NEK11: variants seen among roughly 807,000 people sequenced by gnomAD.
NEK11 encodes the protein NIMA related kinase 11, also known as serine/threonine-protein kinase Nek11.
Under a neutral mutation model 80.7 loss-of-function variants are expected in NEK11, and 72 were observed. The ratio of observed to expected loss-of-function variants is 0.89; its 90% CI spans 0.74 to 1.08. The LOEUF is 1.08. Among genes scored for constraint, NEK11 ranks in the 50% least tolerant of loss-of-function variants. The pLI is 0.00. For synonymous variants in NEK11, 251 were observed against 260.7 expected, an observed-to-expected ratio of 0.96 and a Z score of 0.36; for missense variants, 764 against 763.6, an observed-to-expected ratio of 1.00 and a Z score of -0.01.
At chr3:131,031,130 A>G (rs1397716882) in intron 3 of NEK11, among the ~76,000 whole-genome samples, 4 of 152,232 alleles carry the variant, frequency 2.6e-5, no homozygotes, top group Admixed American at 2.6e-4. Context: ...TTGTAAAGGT[A>G]AATGTTAGTG....
At chr3:131,037,278 AAC>A (rs1304034900) in intron 3 of NEK11, among the ~76,000 whole-genome samples, 1 of 140,308 alleles carries the variant, frequency 7.1e-6, no homozygotes, top group Non-Finnish European at 1.6e-5. Context: ...AGATAAAAAG[AAC>A]TTCATCCATT....
At chr3:131,289,096 A>G (rs558523108) in intron 17 of NEK11, among the ~76,000 whole-genome samples, 1 of 152,340 alleles carries the variant, frequency 6.6e-6, no homozygotes, top group African/African-American at 2.4e-5. Context: ...GACAGTTTTG[A>G]AGGCTGGAAG....
At chr3:131,032,349 A>G (rs958064194) in intron 3 of NEK11, among the ~76,000 whole-genome samples, 1 of 152,250 alleles carries the variant, frequency 6.6e-6, no homozygotes, top group African/African-American at 2.4e-5. Context: ...GTTTGCTAAC[A>G]TCAGTTCCTG....
rs554268809 is a variant in NEK11 at position 131,204,364 on chromosome 3, C to T, written c.1400-24164C>T. ...AGTCACCCTAGCAAATTAATCAAACCCAAGGAGGGGGCTGTGAGAAGCTGA... is the reference window on the plus strand; with the variant it reads ...AGTCACCCTAGCAAATTAATCAAACTCAAGGAGGGGGCTGTGAGAAGCTGA... On this transcript the variant is annotated intron_variant, in intron 14 of 17. Coordinates refer to ENST00000383366, the MANE Select transcript of NEK11 (RefSeq NM_024800.5). Among the ~76,000 whole-genome samples, 6 of 152,164 alleles carry T rather than the reference C, an allele frequency of 3.9e-5. No homozygotes were observed. In the South Asian group the frequency reaches 1.0e-3, roughly 26 times the overall value.
intron 16 of NEK11, among the ~76,000 whole-genome samples, chr3:131,257,170 A>AT (rs565620963): frequency 0.02 from 2,706 of 134,222 alleles, 39 homozygotes; most frequent in East Asian, 0.092. Context: ...TTTTTTTTGT[A>AT]TTTTTTGTAG....
At chr3:131,044,351 C>G (rs573336745) in intron 3 of NEK11, among the ~76,000 whole-genome samples, 1 of 141,708 alleles carries the variant, frequency 7.1e-6, no homozygotes, top group South Asian at 2.3e-4. Context: ...TCAGGAGACC[C>G]ATCTCACGTG....
At chr3:131,042,186 A>G (rs1035343938) in intron 3 of NEK11, among the ~76,000 whole-genome samples, 1 of 151,048 alleles carries the variant, frequency 6.6e-6, no homozygotes. Flanking sequence ...GCAGACACCC[A>G]GCTAGCTGCA....
chr3:131,223,157 G>A (rs563477627), intron 14 of NEK11, among the ~76,000 whole-genome samples: 2 of 152,326 alleles, frequency 1.3e-5, no homozygotes, highest in African/African-American at 4.8e-5. Flanking sequence ...CAGGAGAAAG[G>A]AATCTTAAGC....
chr3:131,102,910 AGAACTGGTCTTT>A, intron 4 of NEK11, among the ~76,000 whole-genome samples: 1 of 152,326 alleles, frequency 6.6e-6, no homozygotes, highest in East Asian at 1.9e-4. Flanking sequence ...GTTGATTCGA[AGAACTGGTCTTT>A]GAGCTCTGAG....
At chr3:131,163,417 G>T (rs1205156964) in intron 11 of NEK11, among the ~76,000 whole-genome samples, 29 of 152,110 alleles carry the variant, frequency 1.9e-4, no homozygotes, top group Admixed American at 1.8e-3. Flanking sequence ...CCTTAAAAAA[G>T]AAGGGAATCC....
At chr3:131,231,487 A>G (rs758015391) in intron 15 of NEK11, among the ~76,000 whole-genome samples, 16 of 149,356 alleles carry the variant, frequency 1.1e-4, no homozygotes, top group Non-Finnish European at 2.1e-4. Flanking sequence ...TATACATTCT[A>G]TAGTAGCAAA....
intron 5 of NEK11, among the ~76,000 whole-genome samples, chr3:131,123,235 C>T (rs1280847555): frequency 1.3e-5 from 2 of 152,072 alleles, no homozygotes; most frequent in Admixed American, 6.6e-5. Flanking sequence ...GGCATGATCT[C>T]GGCTCACTGT....
chr3:131,038,506 AT>A (rs1196106061), intron 3 of NEK11, among the ~76,000 whole-genome samples: 1 of 152,238 alleles, frequency 6.6e-6, no homozygotes, highest in Non-Finnish European at 1.5e-5. Context: ...CAGATCAGAA[AT>A]GACTAATAAA....
At chr3:131,043,428 G>C (rs891569588) in intron 3 of NEK11, among the ~76,000 whole-genome samples, 1 of 152,212 alleles carries the variant, frequency 6.6e-6, no homozygotes. Flanking sequence ...TGATGTGATG[G>C]AGCTGAAAAA....
At chr3:131,157,690 A>G (rs1257527874) in intron 10 of NEK11, among the ~76,000 whole-genome samples, 2 of 152,146 alleles carry the variant, frequency 1.3e-5, no homozygotes, top group Non-Finnish European at 2.9e-5. Context: ...TGGAGAGAAG[A>G]CACAGAAGCT....
intron 3 of NEK11, among the ~76,000 whole-genome samples, chr3:131,034,047 T>A (rs2065260576): frequency 6.6e-6 from 1 of 152,236 alleles, no homozygotes; most frequent in East Asian, 1.9e-4. Flanking sequence ...TAGTTCTTAT[T>A]CATTTTATTT....
chr3:131,056,881 T>C (rs1298880287), intron 3 of NEK11, among the ~76,000 whole-genome samples: 1 of 151,016 alleles, frequency 6.6e-6, no homozygotes, highest in East Asian at 1.9e-4. Context: ...TTTTTTTTTC[T>C]GTTGTTGTTG....
At chr3:131,316,797 GT>G (rs377470635) in intron 17 of NEK11, among the ~76,000 whole-genome samples, 33 of 152,266 alleles carry the variant, frequency 2.2e-4, no homozygotes, top group African/African-American at 7.7e-4. Flanking sequence ...CAGCTTGCGA[GT>G]TTTTTGAAGT....
intron 10 of NEK11, among the ~76,000 whole-genome samples, chr3:131,159,207 G>A (rs950649030): frequency 2.6e-5 from 4 of 152,126 alleles, no homozygotes; most frequent in Admixed American, 6.5e-5. Flanking sequence ...CAAGAACTTC[G>A]AGAACTCAAA....
Sources: gnomAD v4.1 joint callset for allele counts (sites outside exome capture counted in the v4.1 genomes callset) on GRCh38, gnomAD v4.1.1 for gene constraint, MANE v1.5 for transcripts, NCBI Gene and HGNC (gene_info 2026-07-23, HGNC 2026-07-21) for gene names.